FUT8: variants seen among roughly 807,000 people sequenced by gnomAD.
FUT8 encodes fucosyltransferase 8.
A neutral mutation model predicts 71.3 loss-of-function variants in FUT8; 29 were observed. The observed-to-expected ratio is 0.41, with a 90% CI of 0.30 to 0.55. FUT8 has a LOEUF of 0.55. Among genes scored for constraint, FUT8 ranks in the 20% least tolerant of loss-of-function variants. FUT8 has a pLI of 0.34. For missense variants in FUT8, 544 were observed against 702.1 expected, an observed-to-expected ratio of 0.77 and a Z score of 2.55; for synonymous variants, 254 against 239.3, an observed-to-expected ratio of 1.06 and a Z score of -0.57.
chr14:65,439,866 A>G (rs1466060175), intron 1 of FUT8, among the ~76,000 whole-genome samples: 1 of 150,406 alleles, frequency 6.6e-6, no homozygotes, highest in East Asian at 1.9e-4. Context: ...TATGTTTGTT[A>G]AAGCATTATT....
chr14:65,560,678 A>G (rs957166325), intron 2 of FUT8, among the ~76,000 whole-genome samples: 2 of 152,172 alleles, frequency 1.3e-5, no homozygotes, highest in African/African-American at 4.8e-5. Flanking sequence ...GTTTGTTGCA[A>G]TTGTTGGTAT....
chr14:65,595,523 C>T (rs1250115884), intron 3 of FUT8, among the ~76,000 whole-genome samples: 1 of 151,254 alleles, frequency 6.6e-6, no homozygotes, highest in Non-Finnish European at 1.5e-5. Flanking sequence ...AGAAAGTTCA[C>T]TTCGAATTAA....
chr14:65,709,309 T>C (rs1894704670), intron 7 of FUT8, among the ~76,000 whole-genome samples: 1 of 152,178 alleles, frequency 6.6e-6, no homozygotes, highest in Non-Finnish European at 1.5e-5. Context: ...AAATGAAAGT[T>C]TGAATAAACC....
In FUT8 at chr14:65,650,327, A is replaced by C. The variant is rs2144662; in HGVS notation, c.598-18916A>C. ...AAAAAAAAAAAAAAAAAAAAAAAAAACCTGAGACTGGGTAATTTATAAAGA... is the reference window on the plus strand; with the variant it reads ...AAAAAAAAAAAAAAAAAAAAAAAAACCCTGAGACTGGGTAATTTATAAAGA... On this transcript the variant is annotated intron_variant, in intron 6 of 10. Coordinates refer to ENST00000673929, the MANE Select transcript of FUT8 (RefSeq NM_001371533.1). 2.1e-5 allele frequency among the ~76,000 whole-genome samples: 3 copies of C among 145,228 alleles called. No individual in the cohort carries two copies. In the Admixed American group the frequency reaches 2.1e-4, roughly 10 times the overall value.
intron 1 of FUT8, among the ~76,000 whole-genome samples, chr14:65,439,818 C>T (rs2065614519): frequency 6.6e-6 from 1 of 151,684 alleles, no homozygotes; most frequent in East Asian, 1.9e-4. Flanking sequence ...TAGTTCTGCT[C>T]GTGGATCTCT....
chr14:65,589,026 C>G (rs1485419014), intron 3 of FUT8, among the ~76,000 whole-genome samples: 3 of 152,112 alleles, frequency 2.0e-5, no homozygotes, highest in Non-Finnish European at 4.4e-5. Flanking sequence ...CGCTCTCAAT[C>G]TCTTTTACTT....
intron 7 of FUT8, among the ~76,000 whole-genome samples, chr14:65,689,966 C>T (rs547217820): frequency 6.6e-6 from 1 of 152,318 alleles, no homozygotes; most frequent in East Asian, 1.9e-4. Flanking sequence ...CTGTGTTATC[C>T]TCTAGAAGTG....
chr14:65,386,837 A>AT, the FUT8 span, among the ~76,000 whole-genome samples: 1,573 of 81,946 alleles, frequency 0.019, 97 homozygotes, highest in East Asian at 0.17. Context: ...TCTTCCTTTA[A>AT]TTTTTTTTTT....
chr14:65,409,406 G>A (rs1182756134), upstream of FUT8, among the ~76,000 whole-genome samples: 2 of 152,162 alleles, frequency 1.3e-5, no homozygotes, highest in African/African-American at 2.4e-5. The surrounding 1 kb of genome is among the most constrained non-coding windows in gnomAD (Gnocchi z 5.4). Context: ...TCTCCCCACC[G>A]TAATAACAGG....
chr14:65,534,757 T>C (rs966292990), intron 2 of FUT8, among the ~76,000 whole-genome samples: 5 of 151,858 alleles, frequency 3.3e-5, no homozygotes, highest in African/African-American at 1.2e-4. Context: ...CTGTCCAATC[T>C]GTAATAATAT....
At chr14:65,361,228 C>A in the FUT8 span, among the ~76,000 whole-genome samples, 4 of 148,942 alleles carry the variant, frequency 2.7e-5, no homozygotes, top group African/African-American at 5.0e-5. Context: ...TGGTGGTGTG[C>A]ACCTGTAATC....
At chr14:65,707,573 A>G (rs1408444885) in intron 7 of FUT8, among the ~76,000 whole-genome samples, 1 of 152,104 alleles carries the variant, frequency 6.6e-6, no homozygotes, top group Non-Finnish European at 1.5e-5. Context: ...TGCCCACACC[A>G]CTGTCATGAA....
At chr14:65,717,635 G>GAC (rs1895190825) in intron 7 of FUT8, among the ~76,000 whole-genome samples, 1 of 135,594 alleles carries the variant, frequency 7.4e-6, no homozygotes. Context: ...CTTCCCAGAC[G>GAC]GGGCAGCCGG....
chr14:65,602,657 G>C (rs995246429), intron 3 of FUT8, among the ~76,000 whole-genome samples: 4 of 151,570 alleles, frequency 2.6e-5, no homozygotes, highest in African/African-American at 9.7e-5. Flanking sequence ...AGTGTTCCTT[G>C]ATCACCACAT....
At chr14:65,619,971 G>T (rs1889514601) in intron 5 of FUT8, among the ~76,000 whole-genome samples, 1 of 152,074 alleles carries the variant, frequency 6.6e-6, no homozygotes, top group South Asian at 2.1e-4. Flanking sequence ...GTTTAGATGT[G>T]TACCTCAACC....
intron 2 of FUT8, among the ~76,000 whole-genome samples, chr14:65,541,751 C>T (rs1884692307): frequency 6.6e-6 from 1 of 152,168 alleles, no homozygotes; most frequent in African/African-American, 2.4e-5. Context: ...TATCCCTTAA[C>T]CCAGTCACGT....
intron 2 of FUT8, among the ~76,000 whole-genome samples, chr14:65,503,743 C>A (rs1180011411): frequency 2.0e-5 from 3 of 151,930 alleles, no homozygotes; most frequent in Non-Finnish European, 4.4e-5. Context: ...GAATGTTATC[C>A]TTAAGTTTTT....
intron 1 of FUT8, among the ~76,000 whole-genome samples, chr14:65,438,919 A>C (rs1406783132): frequency 6.6e-6 from 1 of 152,218 alleles, no homozygotes; most frequent in Admixed American, 6.5e-5. Flanking sequence ...AAACTTTAAC[A>C]GGAATATGAA....
chr14:65,672,333 T>C (rs1892513890), intron 7 of FUT8, among the ~76,000 whole-genome samples: 1 of 152,240 alleles, frequency 6.6e-6, no homozygotes, highest in African/African-American at 2.4e-5. Context: ...AGATGTTTCC[T>C]CAGCCTGAAC....
Sources: allele counts gnomAD v4.1 joint callset (sites outside exome capture counted in the v4.1 genomes callset), GRCh38; gene constraint gnomAD v4.1.1; non-coding constraint Gnocchi (gnomAD v3.1); transcripts MANE v1.5; gene names NCBI Gene and HGNC (gene_info 2026-07-23, HGNC 2026-07-21).